Variants in FARS2 observed in about 807,000 individuals in gnomAD.
FARS2 encodes the protein phenylalanyl-tRNA synthetase 2, mitochondrial.
FARS2 carries 40 observed loss-of-function variants against 46.4 expected under a neutral mutation model. The ratio of observed to expected loss-of-function variants is 0.86; its 90% CI spans 0.67 to 1.12. The LOEUF (loss-of-function observed/expected upper bound fraction) is 1.12, where lower values mean the gene tolerates loss of function less well. FARS2 is among the 50% of genes most tolerant of loss of function. The pLI is 0.00. For missense variants in FARS2, 513 were observed against 567.9 expected (o/e 0.90, Z 0.98); for synonymous variants, 234 against 214.9 (o/e 1.09, Z -0.78).
At chr6:5,584,926 T>TAAG (rs375565721) in intron 5 of FARS2, among the ~76,000 whole-genome samples, 10 of 152,302 alleles carry the variant, frequency 6.6e-5, no homozygotes, top group African/African-American at 2.4e-4. Flanking sequence ...CTGATCAGAA[T>TAAG]AAGAATTAGA....
At chr6:5,306,488 G>A (rs115185187) in intron 1 of FARS2, among the ~76,000 whole-genome samples, 1,993 of 152,260 alleles carry the variant, frequency 0.013, 38 homozygotes, top group African/African-American at 0.043. Flanking sequence ...GCTGTCAGCA[G>A]TTACAGCTAC....
chr6:5,592,724 C>T (rs767756322), intron 5 of FARS2, among the ~76,000 whole-genome samples: 9 of 152,178 alleles, frequency 5.9e-5, no homozygotes, highest in South Asian at 4.1e-4. Context: ...CAGCAGACGC[C>T]GTCTCTGATG....
chr6:5,503,605 A>G (rs1354694417), intron 4 of FARS2, among the ~76,000 whole-genome samples: 1 of 152,144 alleles, frequency 6.6e-6, no homozygotes, highest in Non-Finnish European at 1.5e-5. Flanking sequence ...TATGAAATGT[A>G]TTTTGTAAAA....
intron 6 of FARS2, among the ~76,000 whole-genome samples, chr6:5,676,342 T>C (rs1475816584): frequency 6.6e-6 from 1 of 152,254 alleles, no homozygotes; most frequent in Non-Finnish European, 1.5e-5. Flanking sequence ...TTGGATTTTG[T>C]ATTCGTTAAA....
chr6:5,481,546 G>A (rs1019022627), intron 4 of FARS2, among the ~76,000 whole-genome samples: 3 of 152,184 alleles, frequency 2.0e-5, no homozygotes, highest in Non-Finnish European at 2.9e-5. Flanking sequence ...GTTACAAGTA[G>A]TCTAGAATCT....
chr6:5,291,772 AAG>A (rs1261764954), intron 1 of FARS2, among the ~76,000 whole-genome samples: 4 of 152,148 alleles, frequency 2.6e-5, no homozygotes, highest in Non-Finnish European at 5.9e-5. Context: ...AAAAAAGAAA[AAG>A]AATTAAATAT....
intron 4 of FARS2, among the ~76,000 whole-genome samples, chr6:5,460,250 TC>T (rs1467108820): frequency 6.6e-6 from 1 of 152,224 alleles, no homozygotes; most frequent in African/African-American, 2.4e-5. Context: ...TTCACATACA[TC>T]GCTCTTTTTG....
At chr6:5,662,266 G>A (rs984676433) in intron 6 of FARS2, among the ~76,000 whole-genome samples, 1 of 152,056 alleles carries the variant, frequency 6.6e-6, no homozygotes, top group East Asian at 1.9e-4. Flanking sequence ...TCCTTGCAGT[G>A]CATTGCAGAC....
intron 6 of FARS2, among the ~76,000 whole-genome samples, chr6:5,639,055 AATTG>A (rs1776681460): frequency 6.6e-6 from 1 of 152,216 alleles, no homozygotes; most frequent in South Asian, 2.1e-4. Context: ...TGTACGGTGA[AATTG>A]ATTGATGTAG....
intron 1 of FARS2, among the ~76,000 whole-genome samples, chr6:5,278,378 C>T (rs966914872): frequency 1.8e-4 from 27 of 152,038 alleles, no homozygotes; most frequent in African/African-American, 5.6e-4. Flanking sequence ...CTAATAGGAA[C>T]GCTGGTTTTT....
chr6:5,276,699 G>T (rs1766359424), intron 1 of FARS2, among the ~76,000 whole-genome samples: 1 of 152,022 alleles, frequency 6.6e-6, no homozygotes, highest in Non-Finnish European at 1.5e-5. Flanking sequence ...AACTGATGTG[G>T]TTCCCTGGGC....
intron 6 of FARS2, among the ~76,000 whole-genome samples, chr6:5,737,495 C>T (rs1761028711): frequency 6.6e-6 from 1 of 152,342 alleles, no homozygotes; most frequent in African/African-American, 2.4e-5. Flanking sequence ...TGTGCCACTG[C>T]AGTCCAGCCT....
intron 1 of FARS2, among the ~76,000 whole-genome samples, chr6:5,318,932 G>A (rs1383962353): frequency 6.6e-6 from 1 of 152,146 alleles, no homozygotes; most frequent in East Asian, 1.9e-4. Context: ...ATCGGCCTTA[G>A]GTTCCCTGCT....
At chr6:5,374,736 T>G (rs1759270041) in intron 2 of FARS2, among the ~76,000 whole-genome samples, 1 of 152,078 alleles carries the variant, frequency 6.6e-6, no homozygotes, top group South Asian at 2.1e-4. Context: ...ATTCATTGAT[T>G]TATTGTGTCC....
intron 6 of FARS2, among the ~76,000 whole-genome samples, chr6:5,759,203 G>A (rs569827686): frequency 2.6e-5 from 4 of 152,202 alleles, no homozygotes; most frequent in Admixed American, 6.5e-5. Context: ...GGGACTGCCC[G>A]CCACCCGCTC....
At chr6:5,711,419 A>G (rs4960129) in intron 6 of FARS2, among the ~76,000 whole-genome samples, 19,875 of 152,134 alleles carry the variant, frequency 0.13, 2,521 homozygotes, top group African/African-American at 0.33. Context: ...GCTGTACATA[A>G]AGGCTTCCTT....
intron 3 of FARS2, among the ~76,000 whole-genome samples, chr6:5,418,619 C>T (rs1014427): frequency 6.6e-6 from 1 of 152,086 alleles, no homozygotes; most frequent in Non-Finnish European, 1.5e-5. Flanking sequence ...CACACATGAT[C>T]AGTGTTCAGT....
At chr6:5,257,149 T>G (rs974029856), upstream of FARS2, among the ~76,000 whole-genome samples, 2 of 152,272 alleles carry the variant, frequency 1.3e-5, no homozygotes, top group Middle Eastern at 3.4e-3. Flanking sequence ...CATGTCAGGT[T>G]AGTGGCTGCC....
At chr6:5,653,911 A>T (rs1226577606) in intron 6 of FARS2, among the ~76,000 whole-genome samples, 1 of 151,838 alleles carries the variant, frequency 6.6e-6, no homozygotes, top group African/African-American at 2.4e-5. Context: ...CCCTGCTCTG[A>T]CTCTACCCTG....
Sources: gnomAD v4.1 joint callset for allele counts (sites outside exome capture counted in the v4.1 genomes callset) on GRCh38, gnomAD v4.1.1 for gene constraint, MANE v1.5 for transcripts, NCBI Gene and HGNC (gene_info 2026-07-23, HGNC 2026-07-21) for gene names.